HMCN2: variants seen among roughly 807,000 people sequenced by gnomAD.
HMCN2 encodes the protein hemicentin-2.
HMCN2 carries 325 observed loss-of-function variants against 377.5 expected under a neutral mutation model. That is an observed-to-expected ratio of 0.86 (90% confidence interval 0.79 to 0.94). The LOEUF (loss-of-function observed/expected upper bound fraction) is 0.94, where lower values mean the gene tolerates loss of function less well. Ranked by LOEUF, HMCN2 falls within the 40% of genes least tolerant of loss-of-function variation. The pLI is 0.00. For synonymous variants in HMCN2, 2,007 were observed against 2,046.8 expected (o/e 0.98, Z 0.53); for missense variants, 4,543 against 4,725.3 (o/e 0.96, Z 1.13).
rs71387339 is a variant in HMCN2, at chr9:130,293,279, GTTT to G, written c.613-1557_613-1555del. 5.4e-4 allele frequency among the ~76,000 whole-genome samples: 31 copies of G among 57,120 alleles called. 1 individual carries two copies. Among genetic ancestry groups the G allele is most frequent in the African/African-American group, 2.1e-3 (19 of 8,886 alleles). The allele number at this position is 57,120 out of a possible 152,430, so 37.5% of individuals were successfully genotyped here. A position where few individuals can be genotyped will look rare whatever the true frequency, so the allele number is the denominator to read the frequency against. On this transcript the variant is annotated intron_variant, in intron 4 of 97. Coordinates refer to ENST00000683500, the MANE Select transcript of HMCN2 (RefSeq NM_001291815.2). ...TTCCAAATAAAATCTACTCACTAAA[GTTT>G]TTTTTTTTTTTTTTTTTTGCGGTTC...
chr9:130,367,941 CAAAAAAAA>C (rs10565235), intron 43 of HMCN2, among the ~76,000 whole-genome samples: 2 of 75,518 alleles, frequency 2.6e-5, no homozygotes, highest in Non-Finnish European at 5.1e-5. Flanking sequence ...GACTCTGTCT[CAAAAAAAA>C]AAAAAAAAAA....
At chr9:130,323,350 C>T (rs1273346393) in intron 19 of HMCN2, among the ~76,000 whole-genome samples, 2 of 152,208 alleles carry the variant, frequency 1.3e-5, no homozygotes, top group Admixed American at 1.3e-4. Context: ...AGTTACCCCT[C>T]TCTCGCTCCC....
chr9:130,382,657 GC>G, intron 55 of HMCN2, 21 bp from the exon 56 acceptor site: 1 of 695,840 alleles, frequency 1.4e-6, no homozygotes, highest in Non-Finnish European at 1.8e-6. Context: ...CAGCCCCTCA[GC>G]CCCCTCTCCC....
At chr9:130,367,591 C>T (rs993232596) in intron 43 of HMCN2, among the ~76,000 whole-genome samples, 5 of 152,056 alleles carry the variant, frequency 3.3e-5, no homozygotes, top group African/African-American at 1.2e-4. Context: ...GATGGTCGTT[C>T]CTTCAGTAGC....
rs1045779090 is a variant in HMCN2 at position 130,347,993 on chromosome 9, C to G, written c.4025-552C>G. The G allele has an allele frequency of 6.1e-6, 6 of 985,254 alleles. No homozygotes were observed. The highest frequency in any genetic ancestry group is 7.2e-6 in the Non-Finnish European group (6 of 829,898). 61.0% of individuals were successfully genotyped at this position (985,254 alleles called of 1,614,324 possible). ...CAGGGAGAGCGCCCACCCCCACATC[C>G]AGGGTGCTATGTGCAGAGGAAAGGA... On this transcript the variant is annotated intron_variant, in intron 26 of 97. Coordinates refer to ENST00000683500, the MANE Select transcript of HMCN2 (RefSeq NM_001291815.2). This position sits in a 1 kb window ranked among gnomAD's most constrained non-coding sequence, Gnocchi z 5.1.
chr9:130,276,830 A>T (rs1554923268), intron 1 of HMCN2, among the ~76,000 whole-genome samples: 1 of 151,824 alleles, frequency 6.6e-6, no homozygotes, highest in African/African-American at 2.4e-5. Context: ...AGTCTTGGGG[A>T]GGGGAGGTGG....
At position 130,423,974 on chromosome 9, in the gene HMCN2, A is replaced by G. The variant is rs1844166421; in HGVS notation, c.13382-802A>G. On this transcript the variant is annotated intron_variant, in intron 87 of 97. Transcript: ENST00000683500. This position sits in a 1 kb window ranked among gnomAD's most constrained non-coding sequence, Gnocchi z 5.5. ...AAATATCAACAAGGTACATGCATTT[A>G]TTTCTTCTTTTTTTTTTCTTTTTGA... Among the ~76,000 whole-genome samples, 1 of 151,212 alleles carries G rather than the reference A, an allele frequency of 6.6e-6. No homozygotes were observed. The highest frequency in any genetic ancestry group is 6.6e-5 in the Admixed American group (1 of 15,166).
rs1320454575 is a variant in HMCN2, at chr9:130,356,221, G to A, written c.5389G>A (p.Gly1797Ser). The change falls in exon 34 of 98, where the codon GGC (glycine) becomes AGC (serine). Residue 1797 changes from glycine to serine, a missense_variant. Gly to Ser is a moderately conservative substitution (Grantham distance 56, BLOSUM62 0). Transcript: ENST00000683500. ...LFACQATNEA[G>S]TAGAEVEVSV... The stretch of plus-strand genomic sequence containing the variant: ...CGCCTGCCAGGCCACCAATGAGGCG[G>A]GCACTGCCGGGGCCGAGGTGGAGGT... 5.4e-6 allele frequency: 7 copies of A among 1,302,652 alleles called. No individual in the cohort carries two copies. Among genetic ancestry groups the A allele is most frequent in the Non-Finnish European group, 7.1e-6 (7 of 988,732 alleles). The allele number at this position is 1,302,652 out of a possible 1,614,324, so 80.7% of individuals were successfully genotyped here.
intron 76 of HMCN2, 173 bp from the exon 77 acceptor site, chr9:130,400,610 G>C: frequency 3.9e-6 from 1 of 253,472 alleles, no homozygotes. Context: ...CTATAGCCCC[G>C]TGCCCAGAAG....
In HMCN2 at chr9:130,327,401, C is replaced by T. The variant is rs1237912299; in HGVS notation, c.3285C>T (p.Cys1095=). ...AKAGEEVTLD[C]EAKGSPPPLV... Reference sequence around the variant, plus strand: ...CTGGCGAAGAGGTGACCCTGGACTGCGAGGCCAAGGGCTCCCCACCCCCAC... The same window carrying T: ...CTGGCGAAGAGGTGACCCTGGACTGTGAGGCCAAGGGCTCCCCACCCCCAC... The change falls in exon 22 of 98, where the codon TGC becomes TGT. Residue 1095 remains cysteine (C), a synonymous_variant. Transcript: ENST00000683500. 5 of 152,322 alleles carry T rather than the reference C, an allele frequency of 3.3e-5. No homozygotes were observed. Among genetic ancestry groups the T allele is most frequent in the African/African-American group, 7.2e-5 (3 of 41,454 alleles). 9.4% of individuals were successfully genotyped at this position (152,322 alleles called of 1,614,324 possible). A position where few individuals can be genotyped will look rare whatever the true frequency, so the allele number is the denominator to read the frequency against.
intron 7 of HMCN2, 83 bp from the exon 8 acceptor site, chr9:130,298,942 T>C (rs1554933114): frequency 9.9e-6 from 4 of 402,774 alleles, no homozygotes; most frequent in Admixed American, 5.5e-5. Flanking sequence ...ACCCCTGGGG[T>C]GTGGTTCGAG....
chr9:130,398,727 G>T lies in HMCN2; in HGVS notation c.11483+20G>T, dbSNP rs542727983. ...CTACCGGTAACGAGCTGGACTTTGC[G>T]GTGGCTTCCTGAGACGCACAGGGCG... On this transcript the variant is annotated intron_variant, in intron 75 of 97. Coordinates refer to ENST00000683500, the MANE Select transcript of HMCN2 (RefSeq NM_001291815.2). The T allele has an allele frequency of 3.9e-6, 5 of 1,286,626 alleles. No individual in the cohort carries two copies. The highest frequency in any genetic ancestry group is 5.1e-6 in the Non-Finnish European group (5 of 986,540). 79.7% of individuals were successfully genotyped at this position (1,286,626 alleles called of 1,614,324 possible).
In HMCN2 at chr9:130,430,468, G is replaced by A. The variant is rs1376239879; in HGVS notation, c.14511G>A (p.Trp4837Ter). ...GCCACCGAGGCCCTCTATTGCCCTG[G>A]CTGCGGCCCTGGGCCTCGATCCCCG... ...TVSHRGPLLP[W>*]LRPWASIPGT... The change falls in exon 95 of 98, where the codon TGG becomes TGA. Residue 4837 changes from tryptophan to a stop codon, truncating the protein, a stop_gained. Transcript: ENST00000683500. LOFTEE classifies it high-confidence loss of function. 1 of 1,550,590 alleles carries A rather than the reference G, an allele frequency of 6.4e-7. No individual in the cohort carries two copies. The highest frequency in any genetic ancestry group is 2.0e-5 in the Admixed American group (1 of 51,010).
chr9:130,415,855 G>C (rs1265023426), intron 85 of HMCN2, among the ~76,000 whole-genome samples: 2 of 152,180 alleles, frequency 1.3e-5, no homozygotes, highest in African/African-American at 2.4e-5. Context: ...CCGCAGGCCA[G>C]CACAGCAGCC....
chr9:130,344,143 G>C (rs1272740892), intron 25 of HMCN2, among the ~76,000 whole-genome samples: 1 of 152,206 alleles, frequency 6.6e-6, no homozygotes, highest in Non-Finnish European at 1.5e-5. Context: ...TTCCACAGCA[G>C]AAACCATCAC....
intron 1 of HMCN2, among the ~76,000 whole-genome samples, chr9:130,281,196 C>T (rs1013884261): frequency 6.6e-6 from 1 of 151,886 alleles, no homozygotes; most frequent in African/African-American, 2.4e-5. Flanking sequence ...TCCCTGAGAG[C>T]AGGAGTTAAG....
chr9:130,348,590 G>T lies in HMCN2; in HGVS notation c.4070G>T (p.Gly1357Val), dbSNP rs542365616. 40 of 1,303,998 alleles carry T rather than the reference G, an allele frequency of 3.1e-5. 2 individuals carry two copies. The South Asian group carries it at 4.3e-4, about 14-fold the overall frequency. The allele number at this position is 1,303,998 out of a possible 1,614,324, so 80.8% of individuals were successfully genotyped here. ...REDGRKANVS[G>V]MAGQSLTLEC... Reference sequence around the variant, plus strand: ...GACGGGCGCAAGGCCAACGTGTCGGGTATGGCCGGGCAGTCCCTGACGCTG... The same window carrying T: ...GACGGGCGCAAGGCCAACGTGTCGGTTATGGCCGGGCAGTCCCTGACGCTG... Residue 1357 changes from glycine (G) to valine (V), a missense_variant, in exon 27 of 98, where the codon GGT becomes GTT. Transcript: ENST00000683500.
intron 1 of HMCN2, among the ~76,000 whole-genome samples, chr9:130,277,790 CCAT>C (rs1254182836): frequency 4.9e-4 from 44 of 89,274 alleles, no homozygotes; most frequent in African/African-American, 1.5e-3. Flanking sequence ...ATCACCACCA[CCAT>C]CATCATCACC....
chr9:130,430,529 G>T lies in HMCN2; in HGVS notation c.14572G>T (p.Gly4858Cys), dbSNP rs1275713222. Residue 4858 changes from glycine (G) to cysteine (C), a missense_variant, in exon 95 of 98, where the codon GGT becomes TGT. By Grantham distance (159) the Gly-to-Cys change is radical. Around this residue, in one of 5 missense-constraint regions of HMCN2, gnomAD observed 1,155 missense variants for 1,157.7 expected, o/e 1.00. Transcript: ENST00000683500. ...CCACGCCTGGGTCTCTCTCCGTCCGGGTCCCATGGCCCTGAGCAGTGTGGG... is the reference window on the plus strand; with the variant it reads ...CCACGCCTGGGTCTCTCTCCGTCCGTGTCCCATGGCCCTGAGCAGTGTGGG... ...SYHAWVSLRP[G>C]PMALSSVGRA... 6.4e-7 allele frequency: 1 copy of T among 1,550,606 alleles called. No individual in the cohort carries two copies. The highest frequency in any genetic ancestry group is 8.7e-7 in the Non-Finnish European group (1 of 1,146,980).
Sources: gnomAD v4.1 joint callset for allele counts (sites outside exome capture counted in the v4.1 genomes callset) on GRCh38, gnomAD v4.1.1 for gene constraint, gnomAD v4.1.1 regional missense constraint, Gnocchi (gnomAD v3.1) non-coding constraint, MANE v1.5 for transcripts, NCBI Gene and HGNC (gene_info 2026-07-23, HGNC 2026-07-21) for gene names.